SCARA3: variants seen among roughly 807,000 people sequenced by gnomAD.
The protein encoded by SCARA3 is scavenger receptor class A member 3, also known as cellular stress response gene protein.
In SCARA3, 39 loss-of-function variants were observed where a neutral mutation model predicts 47.0. The ratio of observed to expected loss-of-function variants is 0.83; its 90% CI spans 0.64 to 1.08. The LOEUF (loss-of-function observed/expected upper bound fraction) is 1.08. Ranked by LOEUF, SCARA3 falls within the 50% of genes least tolerant of loss-of-function variation. The pLI, the probability that SCARA3 is intolerant of heterozygous loss-of-function variation, is 0.00. For missense variants in SCARA3, 724 were observed against 792.3 expected (o/e 0.91, Z 1.04); for synonymous variants, 356 against 334.1 (o/e 1.07, Z -0.71).
downstream of SCARA3, among the ~76,000 whole-genome samples, chr8:27,676,304 TG>T (rs1802276468): frequency 6.6e-6 from 1 of 152,230 alleles, no homozygotes; most frequent in African/African-American, 2.4e-5. Context: ...CACTGAGGGC[TG>T]CTGGGTTTCC....
the SCARA3 span, among the ~76,000 whole-genome samples, chr8:27,728,553 TCTGGA>T: frequency 1.3e-5 from 2 of 152,114 alleles, no homozygotes; most frequent in African/African-American, 2.4e-5. Flanking sequence ...CCACTCCCAT[TCTGGA>T]GGGGCCGTCG....
In SCARA3 at chr8:27,671,620, A is replaced by G. The variant is rs781648072; in HGVS notation, c.*269A>G. On this transcript the variant is annotated 3_prime_UTR_variant, in exon 6 of 6. Coordinates refer to ENST00000301904, the MANE Select transcript of SCARA3 (RefSeq NM_016240.3). Reference sequence around the variant, plus strand: ...CATGCACACATACACATGCATGCACACATACACAGGCATACATGCATGCAC... The same window carrying G: ...CATGCACACATACACATGCATGCACGCATACACAGGCATACATGCATGCAC... 10 of 1,179,802 alleles carry G rather than the reference A, an allele frequency of 8.5e-6. No homozygotes were observed. Among genetic ancestry groups the G allele is most frequent in the African/African-American group, 1.6e-5 (1 of 63,172 alleles). The allele number at this position is 1,179,802 out of a possible 1,614,324, so 73.1% of individuals were successfully genotyped here.
chr8:27,729,337 C>G, the SCARA3 span, among the ~76,000 whole-genome samples: 3 of 152,210 alleles, frequency 2.0e-5, no homozygotes, highest in African/African-American at 7.2e-5. Flanking sequence ...ATCCCAGCCC[C>G]CACAGCTCAC....
chr8:27,664,939 T>G (rs1801984853), intron 5 of SCARA3, among the ~76,000 whole-genome samples: 1 of 152,202 alleles, frequency 6.6e-6, no homozygotes, highest in Admixed American at 6.5e-5. Context: ...ATGTAAAATC[T>G]CTCACAATTG....
At chr8:27,709,560 G>T in the SCARA3 span, among the ~76,000 whole-genome samples, 1 of 152,190 alleles carries the variant, frequency 6.6e-6, no homozygotes, top group Non-Finnish European at 1.5e-5. Flanking sequence ...GGCTGTTTGT[G>T]TGCAAGTCCT....
Position 27,671,146 on chromosome 8 carries a change from C to T in SCARA3, c.1616C>T (p.Pro539Leu), listed in dbSNP as rs1021914817. Residue 539 changes from proline to leucine, a missense_variant, in exon 6 of 6, where the codon CCA becomes CTA. Physicochemically the swap from Pro to Leu is moderately conservative, Grantham distance 98. Coordinates refer to ENST00000301904, the MANE Select transcript of SCARA3 (RefSeq NM_016240.3). ...GGAGGGCCGAGAGGACAGCCAGGCC[C>T]AAAAGGGGACATAGGGCCCCCAGGG... ...GTGGPRGQPG[P>L]KGDIGPPGPE... The T allele has an allele frequency of 1.9e-6, 3 of 1,556,520 alleles. No individual in the cohort carries two copies. Among genetic ancestry groups the T allele is most frequent in the African/African-American group, 2.7e-5 (2 of 72,898 alleles).
the SCARA3 span, among the ~76,000 whole-genome samples, chr8:27,707,580 C>A: frequency 6.6e-6 from 1 of 150,874 alleles, no homozygotes; most frequent in Admixed American, 6.6e-5. Context: ...AAGGTAAGAA[C>A]ATTAGGGAAT....
chr8:27,651,483 A>G (rs1480916646), intron 2 of SCARA3, 25 bp from the exon 3 acceptor site: 4 of 1,608,066 alleles, frequency 2.5e-6, no homozygotes, highest in Middle Eastern at 2.0e-4. Context: ...GGCCTAAGCC[A>G]TTGTCCTCCT....
chr8:27,674,593 C>T (rs1166972645), downstream of SCARA3, among the ~76,000 whole-genome samples: 2 of 152,180 alleles, frequency 1.3e-5, no homozygotes, highest in Non-Finnish European at 2.9e-5. Flanking sequence ...TCTGAACCCA[C>T]ATTGAGTGGT....
At chr8:27,728,291 A>G in the SCARA3 span, among the ~76,000 whole-genome samples, 1 of 152,160 alleles carries the variant, frequency 6.6e-6, no homozygotes, top group Non-Finnish European at 1.5e-5. Flanking sequence ...GAGATTGTAA[A>G]GACCCAGTTG....
the SCARA3 span, among the ~76,000 whole-genome samples, chr8:27,696,616 A>ATT: frequency 0.16 from 21,687 of 134,154 alleles, 2,262 homozygotes; most frequent in Middle Eastern, 0.3. Flanking sequence ...CACCTGGCTA[A>ATT]TTTTTTTTTT....
chr8:27,638,605 G>A (rs1305634985), intron 1 of SCARA3, among the ~76,000 whole-genome samples: 2 of 152,122 alleles, frequency 1.3e-5, no homozygotes, highest in South Asian at 2.1e-4. Flanking sequence ...CAGGCATTCC[G>A]TAAACATGCA....
chr8:27,731,084 GCTTTTAT>G, the SCARA3 span, among the ~76,000 whole-genome samples: 1 of 149,082 alleles, frequency 6.7e-6, no homozygotes, highest in African/African-American at 2.5e-5. Context: ...TTGTTTACCC[GCTTTTAT>G]CTTTTTTTTC....
intron 1 of SCARA3, among the ~76,000 whole-genome samples, chr8:27,645,313 C>T (rs979629703): frequency 3.9e-5 from 6 of 152,220 alleles, no homozygotes; most frequent in Non-Finnish European, 8.8e-5. Flanking sequence ...AGGCCTTCGC[C>T]GAGGGCCAGA....
Position 27,671,715 on chromosome 8 carries a change from CAT to C in SCARA3, c.*366_*367del, listed in dbSNP as rs1382303785. On this transcript the variant is annotated 3_prime_UTR_variant, in exon 6 of 6. Transcript: ENST00000301904. ...ATACACAGGCACACATGCATGCACACATACACATGCACACACACATGCACACA... is the reference window on the plus strand; with the variant it reads ...ATACACAGGCACACATGCATGCACACACACATGCACACACACATGCACACA... 5 of 1,060,552 alleles carry C rather than the reference CAT, an allele frequency of 4.7e-6. No homozygotes were observed. Among genetic ancestry groups the C allele is most frequent in the Non-Finnish European group, 5.7e-6 (5 of 878,454 alleles). 65.7% of individuals were successfully genotyped at this position (1,060,552 alleles called of 1,614,324 possible).
At chr8:27,665,459 A>T (rs1247936778) in intron 5 of SCARA3, among the ~76,000 whole-genome samples, 1 of 152,192 alleles carries the variant, frequency 6.6e-6, no homozygotes, top group Admixed American at 6.5e-5. Flanking sequence ...CCATGCTAGG[A>T]CTATCATTTG....
chr8:27,643,816 T>C (rs1267237709), intron 1 of SCARA3, among the ~76,000 whole-genome samples: 1 of 152,178 alleles, frequency 6.6e-6, no homozygotes, highest in Non-Finnish European at 1.5e-5. Flanking sequence ...CTCTCCCCCT[T>C]GTTGACTCAG....
chr8:27,673,036 C>G (rs1450958317), downstream of SCARA3: 4 of 978,430 alleles, frequency 4.1e-6, no homozygotes, highest in Non-Finnish European at 4.9e-6. Flanking sequence ...GTCTTTGAGT[C>G]CTTTCTGCCT....
At chr8:27,644,561 C>CT (rs1319770596) in intron 1 of SCARA3, among the ~76,000 whole-genome samples, 5 of 152,022 alleles carry the variant, frequency 3.3e-5, no homozygotes, top group African/African-American at 4.8e-5. Context: ...CTCTTCCAAG[C>CT]CCATCCGCTC....
Sources: allele counts gnomAD v4.1 joint callset (sites outside exome capture counted in the v4.1 genomes callset), GRCh38; gene constraint gnomAD v4.1.1; transcripts MANE v1.5; gene names NCBI Gene and HGNC (gene_info 2026-07-23, HGNC 2026-07-21).